ERCC4: variants seen among roughly 807,000 people sequenced by gnomAD.
ERCC4 encodes the protein DNA repair endonuclease XPF.
Under a neutral mutation model 76.9 loss-of-function variants are expected in ERCC4, and 65 were observed. The ratio of observed to expected loss-of-function variants is 0.84; its 90% CI spans 0.69 to 1.04. The LOEUF (loss-of-function observed/expected upper bound fraction) is 1.04. Among genes scored for constraint, ERCC4 ranks in the 50% least tolerant of loss-of-function variants. The probability of loss-of-function intolerance (pLI) is 0.00; values close to 1 mark genes in which losing one functional copy is unlikely to be tolerated. For missense variants in ERCC4, 1,214 were observed against 1,128.2 expected (o/e 1.08, Z -1.09); for synonymous variants, 463 against 410.1 (o/e 1.13, Z -1.56).
chr16:13,927,168 T>C (rs1385153936), intron 3 of ERCC4, among the ~76,000 whole-genome samples: 1 of 152,202 alleles, frequency 6.6e-6, no homozygotes, highest in African/African-American at 2.4e-5. Flanking sequence ...TTTGAAGAAG[T>C]TTTATTAATT....
rs969929440 is a variant in ERCC4 at position 13,948,405 on chromosome 16, C to T, written c.*58C>T. The T allele has an allele frequency of 1.9e-6, 3 of 1,542,178 alleles. No individual in the cohort carries two copies. The highest frequency in any genetic ancestry group is 2.7e-5 in the African/African-American group (2 of 73,712). On this transcript the variant is annotated 3_prime_UTR_variant, in exon 11 of 11. Transcript: ENST00000311895. ...TACTTTTCAGCGGCTCCTTGCCAGACATCATAGGTCATTATTAATTATTGG... is the reference window on the plus strand; with the variant it reads ...TACTTTTCAGCGGCTCCTTGCCAGATATCATAGGTCATTATTAATTATTGG...
In ERCC4 at chr16:13,948,152, G is replaced by C. The variant is rs529976681; in HGVS notation, c.2556G>C (p.Leu852Phe). 5 of 1,614,166 alleles carry C rather than the reference G, an allele frequency of 3.1e-6. No homozygotes were observed. Among genetic ancestry groups the C allele is most frequent in the Middle Eastern group, 1.6e-4 (1 of 6,062 alleles). ...EKYNPGPQDF[L>F]LKMPGVNAKN... is the part of the protein sequence containing the mutation. The stretch of plus-strand genomic sequence containing the variant: ...ATAATCCTGGTCCCCAAGACTTCTT[G>C]TTAAAAATGCCAGGGGTGAATGCCA... The change falls in exon 11 of 11, where the codon TTG becomes TTC. Residue 852 changes from leucine (L) to phenylalanine (F), a missense_variant. Transcript: ENST00000311895.
chr16:13,933,236 G>A (rs1398483942), intron 6 of ERCC4: 1 of 166,216 alleles, frequency 6.0e-6, no homozygotes, highest in Admixed American at 6.4e-5. Flanking sequence ...AATAAATAAA[G>A]TCAGGATGGA....
In ERCC4 at chr16:13,930,950, TA is replaced by T. The variant is rs901307439; in HGVS notation, c.973+61del. 19 of 1,210,332 alleles carry T rather than the reference TA, an allele frequency of 1.6e-5. No individual in the cohort carries two copies. The African/African-American group carries it at 1.6e-4, about 10-fold the overall frequency. 75.0% of individuals were successfully genotyped at this position (1,210,332 alleles called of 1,614,324 possible). ...CTGATTTGAATAAAGTGTTAGGTTT[TA>T]GGGGGAATCAGGTGTGAAAAGTGCT... is the stretch of plus-strand genomic sequence containing the variant. On this transcript the variant is annotated intron_variant, in intron 5 of 10. Transcript: ENST00000311895.
chr16:13,931,994 A>G (rs2032181078), intron 5 of ERCC4, 163 bp from the exon 6 acceptor site: 1 of 693,522 alleles, frequency 1.4e-6, no homozygotes, highest in Admixed American at 2.2e-5. Context: ...CCAGAAAACC[A>G]CTGGTCCAGC....
intron 9 of ERCC4, among the ~76,000 whole-genome samples, chr16:13,942,997 G>A (rs928450498): frequency 2.6e-5 from 4 of 152,192 alleles, no homozygotes; most frequent in Non-Finnish European, 4.4e-5. Flanking sequence ...AGCAGGTAGC[G>A]CTTGAGTCTG....
rs2032276580 is a variant in ERCC4 at position 13,935,707 on chromosome 16, A to C, written c.1775A>C (p.Glu592Ala). 6.2e-7 allele frequency: 1 copy of C among 1,614,186 alleles called. No individual in the cohort carries two copies. Among genetic ancestry groups the C allele is most frequent in the Non-Finnish European group, 8.5e-7 (1 of 1,180,016 alleles). Residue 592 changes from glutamate (E) to alanine (A), a missense_variant, in exon 8 of 11, where the codon GAA (glutamate) becomes GCA (alanine). Physicochemically the swap from Glu to Ala is moderately radical, Grantham distance 107. Coordinates refer to ENST00000311895, the MANE Select transcript of ERCC4 (RefSeq NM_005236.3). ...DAELTFVRQL[E>A]IYRASRPGKP... is the part of the protein sequence containing the mutation. ...GAGCTAACCTTTGTTCGGCAGCTTG[A>C]AATTTACAGGGCGAGTAGGCCTGGG...
intron 10 of ERCC4, among the ~76,000 whole-genome samples, chr16:13,947,051 C>T (rs1430931265): frequency 4.6e-5 from 7 of 152,164 alleles, no homozygotes; most frequent in South Asian, 4.1e-4. Flanking sequence ...CGTGAGCCAC[C>T]GCGCCCGGCC....
chr16:13,941,890 A>G lies in ERCC4; in HGVS notation c.1905-2833A>G, dbSNP rs369047519. Among the ~76,000 whole-genome samples the G allele has an allele frequency of 1.2e-4, 18 of 152,298 alleles. No individual in the cohort carries two copies. The South Asian group carries it at 1.5e-3, about 12-fold the overall frequency. On this transcript the variant is annotated intron_variant, in intron 9 of 10. Coordinates refer to ENST00000311895, the MANE Select transcript of ERCC4 (RefSeq NM_005236.3). Reference sequence around the variant, plus strand: ...ACTTCTAGTTCAGTGCTACTTTCCTATGTTGCCATAGGATTATGTTGTACA... The same window carrying G: ...ACTTCTAGTTCAGTGCTACTTTCCTGTGTTGCCATAGGATTATGTTGTACA...
Position 13,937,867 on chromosome 16 carries a change from T to C in ERCC4, c.1904+9T>C, listed in dbSNP as rs373358960. 7.7e-6 allele frequency: 12 copies of C among 1,565,668 alleles called. No individual in the cohort carries two copies. The African/African-American group carries it at 1.4e-4, about 18-fold the overall frequency. On this transcript the variant is annotated intron_variant, in intron 9 of 10. Coordinates refer to ENST00000311895, the MANE Select transcript of ERCC4 (RefSeq NM_005236.3). ...TTTGAAAAACTCATAAGGTAATACA[T>C]AGAAAATCAGTATGAAAGCCCCAAC...
At position 13,920,165 on chromosome 16, in the gene ERCC4, C is replaced by A; in HGVS notation, c.-1C>A. The A allele has an allele frequency of 6.2e-7, 1 of 1,604,770 alleles. No homozygotes were observed. ...TTCGGCTGCGACCCGGAAGAGCTTC[C>A]ATGGAGTCAGGGCAGCCGGCTCGAC... On this transcript the variant is annotated 5_prime_UTR_variant, in exon 1 of 11. Coordinates refer to ENST00000311895, the MANE Select transcript of ERCC4 (RefSeq NM_005236.3).
intron 2 of ERCC4, among the ~76,000 whole-genome samples, chr16:13,924,349 A>G (rs535168279): frequency 6.6e-6 from 1 of 152,338 alleles, no homozygotes; most frequent in East Asian, 1.9e-4. Context: ...AGAACAGGAC[A>G]GGAGGATGCT....
intron 3 of ERCC4, 128 bp downstream of exon 3, chr16:13,926,884 C>A: frequency 1.3e-6 from 1 of 776,714 alleles, no homozygotes; most frequent in Non-Finnish European, 2.2e-6. Context: ...TTGATAGAAC[C>A]TAGTCAGTTT....
chr16:13,926,447 G>A, intron 2 of ERCC4, 114 bp from the exon 3 acceptor site: 2 of 880,838 alleles, frequency 2.3e-6, no homozygotes, highest in Non-Finnish European at 3.9e-6. Context: ...GTGGCTATAT[G>A]CCCAGTCTAG....
At chr16:13,941,178 ACT>A (rs749701681) in intron 9 of ERCC4, among the ~76,000 whole-genome samples, 60 of 151,922 alleles carry the variant, frequency 3.9e-4, no homozygotes, top group Non-Finnish European at 7.9e-4. Context: ...TGGATCATGG[ACT>A]CTCTCCCACA....
intron 8 of ERCC4, among the ~76,000 whole-genome samples, chr16:13,937,499 C>G (rs1307107953): frequency 6.6e-6 from 1 of 152,064 alleles, no homozygotes; most frequent in African/African-American, 2.4e-5. Context: ...TATTCTATCC[C>G]TCTAGTTATA....
At position 13,920,198 on chromosome 16, in the gene ERCC4, C is replaced by T. The variant is rs3136042; in HGVS notation, c.33C>T (p.Ala11=). The part of the protein sequence containing the change: MESGQPARRI[A]MAPLLEYERQ... ...CAGGGCAGCCGGCTCGACGGATTGC[C>T]ATGGCGCCGCTGCTGGAGTACGAGC... The change falls in exon 1 of 11, where the codon GCC becomes GCT. Residue 11 remains alanine, a synonymous_variant. Coordinates refer to ENST00000311895, the MANE Select transcript of ERCC4 (RefSeq NM_005236.3). 32,024 of 1,607,076 alleles carry T rather than the reference C, an allele frequency of 0.02. 398 individuals are homozygous for T. Among genetic ancestry groups the T allele is most frequent in the Non-Finnish European group, 0.025 (29,346 of 1,179,900 alleles).
intron 1 of ERCC4, among the ~76,000 whole-genome samples, chr16:13,921,697 C>A (rs2031979711): frequency 6.6e-6 from 1 of 152,174 alleles, no homozygotes; most frequent in African/African-American, 2.4e-5. Context: ...GGCTACAAAC[C>A]TGGCTTTGGT....
intron 9 of ERCC4, among the ~76,000 whole-genome samples, chr16:13,942,245 AC>A (rs1017080625): frequency 6.6e-6 from 1 of 152,240 alleles, no homozygotes; most frequent in Non-Finnish European, 1.5e-5. Flanking sequence ...GTTTATAATT[AC>A]GATACATTTC....
Sources: allele counts gnomAD v4.1 joint callset (sites outside exome capture counted in the v4.1 genomes callset), GRCh38; gene constraint gnomAD v4.1.1; transcripts MANE v1.5; gene names NCBI Gene and HGNC (gene_info 2026-07-23, HGNC 2026-07-21).